Variants in APCDD1 observed in about 807,000 individuals in gnomAD.
APCDD1 encodes the protein APC down-regulated 1.
In APCDD1, 15 loss-of-function variants were observed where a neutral mutation model predicts 38.1. The observed-to-expected ratio is 0.39, with a 90% confidence interval of 0.26 to 0.61. APCDD1 has a LOEUF of 0.61. APCDD1 is among the 20% of genes least tolerant of loss of function. The pLI is 0.49. For synonymous variants in APCDD1, 261 were observed against 279.7 expected (o/e 0.93, Z 0.67); for missense variants, 647 against 696.2 (o/e 0.93, Z 0.79).
chr18:10,466,899 A>G (rs1253401421), intron 1 of APCDD1, among the ~76,000 whole-genome samples: 2 of 152,160 alleles, frequency 1.3e-5, no homozygotes, highest in African/African-American at 2.4e-5. Context: ...TCTTTTCACA[A>G]TTTTCATTTA....
At chr18:10,468,132 T>C (rs579916) in intron 1 of APCDD1, among the ~76,000 whole-genome samples, 91,899 of 152,144 alleles carry the variant, frequency 0.6, 29,213 homozygotes, top group African/African-American at 0.8. Flanking sequence ...CTTGGCCGCC[T>C]TGCACAAACA....
chr18:10,483,761 T>C lies in APCDD1; in HGVS notation c.775-1701T>C, dbSNP rs59022524. On this transcript the variant is annotated intron_variant, in intron 3 of 4. Coordinates refer to ENST00000355285, the MANE Select transcript of APCDD1 (RefSeq NM_153000.5). ...ATGGCATGGGAGCACGGGGCTGGGG[T>C]GGCCCAGCCGTCCCCAGAACACTGA... is the stretch of plus-strand genomic sequence containing the variant. Among the ~76,000 whole-genome samples the C allele has an allele frequency of 2.2e-3, 333 of 152,238 alleles. 2 individuals are homozygous for C. Among genetic ancestry groups the C allele is most frequent in the African/African-American group, 7.6e-3 (315 of 41,554 alleles).
At position 10,475,686 on chromosome 18, in the gene APCDD1, C is replaced by G. The variant is rs527760672; in HGVS notation, c.774+3625C>G. 4.0e-5 allele frequency among the ~76,000 whole-genome samples: 6 copies of G among 149,578 alleles called. No homozygotes were observed. The East Asian group carries it at 1.2e-3, about 29-fold the overall frequency. ...TTAAAAAAAAAAAAAAGCAAGCAAA[C>G]ACTCCCAGACCCAGAGGAATGCTGT... On this transcript the variant is annotated intron_variant, in intron 3 of 4. Coordinates refer to ENST00000355285, the MANE Select transcript of APCDD1 (RefSeq NM_153000.5). The surrounding 1 kb of genome is among the most constrained non-coding windows in gnomAD (Gnocchi z 4.0).
At chr18:10,480,497 C>G (rs1345097499) in intron 3 of APCDD1, among the ~76,000 whole-genome samples, 2 of 152,148 alleles carry the variant, frequency 1.3e-5, no homozygotes, top group Non-Finnish European at 2.9e-5. Context: ...GAGGTGTCTC[C>G]TTATTCAACG....
Position 10,471,288 on chromosome 18 carries a change from T to G in APCDD1, c.243-242T>G, listed in dbSNP as rs1210465581. ...GACTGGCTCTGATACTTGCTGGTCA[T>G]GTGCTCTTGGGCATGTTCCCTAACC... On this transcript the variant is annotated intron_variant, in intron 2 of 4. Coordinates refer to ENST00000355285, the MANE Select transcript of APCDD1 (RefSeq NM_153000.5). This position sits in a 1 kb window ranked among gnomAD's most constrained non-coding sequence, Gnocchi z 5.5. Among the ~76,000 whole-genome samples, 1 of 152,212 alleles carries G rather than the reference T, an allele frequency of 6.6e-6. No homozygotes were observed. Among genetic ancestry groups the G allele is most frequent in the Non-Finnish European group, 1.5e-5 (1 of 68,030 alleles).
At chr18:10,462,649 CCT>C (rs2030596752) in intron 1 of APCDD1, among the ~76,000 whole-genome samples, 1 of 77,112 alleles carries the variant, frequency 1.3e-5, no homozygotes, top group Non-Finnish European at 2.4e-5. Flanking sequence ...CTCCCTCCTT[CCT>C]TCCTTCCTTC....
intron 3 of APCDD1, chr18:10,477,590 A>T (rs1224278856): frequency 6.6e-6 from 1 of 152,208 alleles, no homozygotes; most frequent in African/African-American, 2.4e-5. Context: ...GTTGTCAGGG[A>T]CAATGCAAGT....
In APCDD1 at chr18:10,471,665, C is replaced by T; in HGVS notation, c.378C>T (p.Gly126=). 6.2e-7 allele frequency: 1 copy of T among 1,614,192 alleles called. No individual in the cohort carries two copies. Among genetic ancestry groups the T allele is most frequent in the Non-Finnish European group, 8.5e-7 (1 of 1,180,046 alleles). The change falls in exon 3 of 5, where the codon GGC becomes GGT. Residue 126 remains glycine, a synonymous_variant. Transcript: ENST00000355285. This position sits in a 1 kb window ranked among gnomAD's most constrained non-coding sequence, Gnocchi z 5.5. ...TNPTYTLIIR[G]KIRLRQASWI... ...CCACTTATACTCTCATCATCCGGGG[C>T]AAGATCCGCCTCCGCCAGGCCTCCT...
In APCDD1 at chr18:10,459,336, A is replaced by ACT. The variant is rs1249290274; in HGVS notation, c.58+4298_58+4299insTC. Among the ~76,000 whole-genome samples, 66 of 152,084 alleles carry ACT rather than the reference A, an allele frequency of 4.3e-4. 1 individual carries two copies. Among genetic ancestry groups the ACT allele is most frequent in the African/African-American group, 1.5e-3 (61 of 41,472 alleles). The stretch of plus-strand genomic sequence containing the variant: ...AGCGTGCACACACACACACACACAC[A>ACT]CACAGACCACAACTGTGTTGAAGAG... On this transcript the variant is annotated intron_variant, in intron 1 of 4. Coordinates refer to ENST00000355285, the MANE Select transcript of APCDD1 (RefSeq NM_153000.5).
chr18:10,473,163 GT>G (rs1299747062), intron 3 of APCDD1, among the ~76,000 whole-genome samples: 1 of 152,182 alleles, frequency 6.6e-6, no homozygotes, highest in Non-Finnish European at 1.5e-5. Flanking sequence ...ACCAATAGAG[GT>G]ATCACAGGGC....
intron 1 of APCDD1, among the ~76,000 whole-genome samples, chr18:10,455,473 G>T (rs1402290228): frequency 1.3e-5 from 2 of 152,194 alleles, no homozygotes; most frequent in Non-Finnish European, 2.9e-5. Context: ...AAGCGTTTAG[G>T]AGAGTGGAAA....
In APCDD1 at chr18:10,475,793, A is replaced by T. The variant is rs200926234; in HGVS notation, c.774+3732A>T. ...GCCTAGCTGCCTCGCAAGATGGCTG[A>T]GGGGGGGGGGGGTCAGTGGAAGGCC... is the stretch of plus-strand genomic sequence containing the variant. On this transcript the variant is annotated intron_variant, in intron 3 of 4. Coordinates refer to ENST00000355285, the MANE Select transcript of APCDD1 (RefSeq NM_153000.5). This position sits in a 1 kb window ranked among gnomAD's most constrained non-coding sequence, Gnocchi z 4.0. 1.0e-5 allele frequency: 1 copy of T among 95,504 alleles called. No homozygotes were observed. Among genetic ancestry groups the T allele is most frequent in the African/African-American group, 4.0e-5 (1 of 24,772 alleles). 5.9% of individuals were successfully genotyped at this position (95,504 alleles called of 1,614,324 possible).
rs2030835205 is a variant in APCDD1 at position 10,470,881 on chromosome 18, A to T, written c.243-649A>T. 6.6e-6 allele frequency among the ~76,000 whole-genome samples: 1 copy of T among 152,234 alleles called. No homozygotes were observed. Among genetic ancestry groups the T allele is most frequent in the Admixed American group, 6.5e-5 (1 of 15,290 alleles). ...CACACTGGCAACCATCATAAACAAA[A>T]GGAACCCTTATTTCTGTTGTGCCAG... is the stretch of plus-strand genomic sequence containing the variant. On this transcript the variant is annotated intron_variant, in intron 2 of 4. Coordinates refer to ENST00000355285, the MANE Select transcript of APCDD1 (RefSeq NM_153000.5). The surrounding 1 kb of genome is among the most constrained non-coding windows in gnomAD (Gnocchi z 4.1).
intron 3 of APCDD1, chr18:10,477,049 T>G (rs1043998502): frequency 2.0e-5 from 3 of 152,312 alleles, no homozygotes; most frequent in African/African-American, 7.2e-5. Context: ...GGACGTCTCC[T>G]GAGCATGTGC....
chr18:10,455,149 C>T, intron 1 of APCDD1, 110 bp downstream of exon 1: 4 of 1,464,310 alleles, frequency 2.7e-6, no homozygotes, highest in Non-Finnish European at 3.6e-6. Flanking sequence ...ACACTGTCCC[C>T]TTGGCGGGGC....
chr18:10,462,382 GCTTC>G (rs555962812), intron 1 of APCDD1, among the ~76,000 whole-genome samples: 4 of 151,386 alleles, frequency 2.6e-5, no homozygotes, highest in East Asian at 3.9e-4. Flanking sequence ...TAAATTACTT[GCTTC>G]CTTCCTTCCT....
In APCDD1 at chr18:10,476,467, T is replaced by C. The variant is rs902584832; in HGVS notation, c.774+4406T>C. 2.6e-5 allele frequency: 4 copies of C among 152,196 alleles called. No homozygotes were observed. Among genetic ancestry groups the C allele is most frequent in the African/African-American group, 9.7e-5 (4 of 41,446 alleles). 9.4% of individuals were successfully genotyped at this position (152,196 alleles called of 1,614,324 possible). ...GAAGATGCTTTGCCTGAATCAAGTT[T>C]AGCGTCAGAGCAGCCATAATCCTCT... On this transcript the variant is annotated intron_variant, in intron 3 of 4. Coordinates refer to ENST00000355285, the MANE Select transcript of APCDD1 (RefSeq NM_153000.5). The surrounding 1 kb of genome is among the most constrained non-coding windows in gnomAD (Gnocchi z 5.8).
rs573503346 is a variant in APCDD1 at position 10,487,510 on chromosome 18, GT to G, written c.1097-79del. The G allele has an allele frequency of 4.1e-4, 574 of 1,390,956 alleles. 4 individuals carry two copies. The highest frequency in any genetic ancestry group is 1.0e-3 in the South Asian group (88 of 86,060). 86.2% of individuals were successfully genotyped at this position (1,390,956 alleles called of 1,614,324 possible). A position where few individuals can be genotyped will look rare whatever the true frequency, so the allele number is the denominator to read the frequency against. Reference sequence around the variant, plus strand: ...AAAGAAAGCCTTGTCTAGTTAGAGTGTGGCCAGTGTTTTCTGGGTGGGTTTC... The same window carrying G: ...AAAGAAAGCCTTGTCTAGTTAGAGTGGGCCAGTGTTTTCTGGGTGGGTTTC... On this transcript the variant is annotated intron_variant, in intron 4 of 4. Transcript: ENST00000355285.
intron 3 of APCDD1, chr18:10,477,523 G>C (rs954744512): frequency 1.3e-5 from 2 of 152,348 alleles, no homozygotes; most frequent in African/African-American, 4.8e-5. Flanking sequence ...TATTTCAGCA[G>C]ATAAACAGGC....
Sources: allele counts gnomAD v4.1 joint callset (sites outside exome capture counted in the v4.1 genomes callset), GRCh38; gene constraint gnomAD v4.1.1; non-coding constraint Gnocchi (gnomAD v3.1); transcripts MANE v1.5; gene names NCBI Gene and HGNC (gene_info 2026-07-23, HGNC 2026-07-21).